Variants in ARHGAP6 observed in about 807,000 individuals in gnomAD.
ARHGAP6 encodes the protein Rho GTPase activating protein 6.
In ARHGAP6, 16 loss-of-function variants were observed where a neutral mutation model predicts 55.7. The ratio of observed to expected loss-of-function variants is 0.29; its 90% CI spans 0.19 to 0.44. The LOEUF (loss-of-function observed/expected upper bound fraction) is 0.44, where lower values mean the gene tolerates loss of function less well. Among genes scored for constraint, ARHGAP6 ranks in the 20% least tolerant of loss-of-function variants. The pLI, the probability that ARHGAP6 is intolerant of heterozygous loss-of-function variation, is 1.00. For synonymous variants in ARHGAP6, 382 were observed against 360.9 expected (o/e 1.06, Z -0.66); for missense variants, 698 against 808.9 (o/e 0.86, Z 1.66).
At chrX:11,656,516 C>A (rs1487997594) in intron 1 of ARHGAP6, among the ~76,000 whole-genome samples, 1 of 112,232 alleles carries the variant, frequency 8.9e-6, no homozygotes. Context: ...TCTAAGAATC[C>A]ATTTCTTTGC....
At chrX:11,245,797 C>T (rs776082892) in intron 2 of ARHGAP6, among the ~76,000 whole-genome samples, 2 of 112,112 alleles carry the variant, frequency 1.8e-5, no homozygotes, top group African/African-American at 3.2e-5. Context: ...GTACTTCTCA[C>T]TGCAGATAGG....
At chrX:11,493,077 C>T (rs1258541434) in intron 1 of ARHGAP6, among the ~76,000 whole-genome samples, 3 of 111,924 alleles carry the variant, frequency 2.7e-5, no homozygotes, top group Admixed American at 9.5e-5. Flanking sequence ...TGTTGGGCCA[C>T]GATGCAGAGA....
At chrX:11,344,678 C>CAAAAAAAAAAAAA (rs34123570) in intron 1 of ARHGAP6, among the ~76,000 whole-genome samples, 110 of 28,265 alleles carry the variant, frequency 3.9e-3, no homozygotes, top group Non-Finnish European at 4.9e-3. Context: ...AACTCCATCA[C>CAAAAAAAAAAAAA]AAAAAAAAAA....
intron 2 of ARHGAP6, among the ~76,000 whole-genome samples, chrX:11,244,163 A>T (rs1279671333): frequency 8.9e-6 from 1 of 112,319 alleles, no homozygotes; most frequent in African/African-American, 3.2e-5. Flanking sequence ...CAACTGCATA[A>T]AAAATAACAA....
chrX:11,334,730 T>C, intron 1 of ARHGAP6: 1 of 234,302 alleles, frequency 4.3e-6, no homozygotes, highest in South Asian at 6.7e-5. Context: ...CTCTGTTCAA[T>C]GAAGTTGCAC....
At chrX:11,524,043 T>C (rs1345222487) in intron 1 of ARHGAP6, among the ~76,000 whole-genome samples, 1 of 111,975 alleles carries the variant, frequency 8.9e-6, no homozygotes. Flanking sequence ...TGAGTTAACA[T>C]GCGCAAAATA....
chrX:11,572,439 T>C (rs755684416), intron 1 of ARHGAP6, among the ~76,000 whole-genome samples: 18 of 109,974 alleles, frequency 1.6e-4, no homozygotes, highest in African/African-American at 6.0e-4. Context: ...ACACAAGGTG[T>C]TTGGTTTTTT....
At chrX:11,150,376 A>C (rs1262289959) in intron 10 of ARHGAP6, among the ~76,000 whole-genome samples, 3 of 111,280 alleles carry the variant, frequency 2.7e-5, no homozygotes, top group Non-Finnish European at 5.6e-5. Flanking sequence ...GGGGCCCGAG[A>C]TGCCTCAGGC....
intron 12 of ARHGAP6, among the ~76,000 whole-genome samples, chrX:11,140,417 C>CAA (rs1211125181): frequency 0.2 from 8,424 of 41,297 alleles, 766 homozygotes; most frequent in Non-Finnish European, 0.28. Context: ...GACTCCGTCA[C>CAA]AAAAAAAAAA....
intron 10 of ARHGAP6, among the ~76,000 whole-genome samples, chrX:11,155,961 T>C (rs188924618): frequency 8.9e-6 from 1 of 112,665 alleles, no homozygotes; most frequent in Non-Finnish European, 1.9e-5. Flanking sequence ...ATGGCTTGCA[T>C]TTTACTAATT....
intron 1 of ARHGAP6, among the ~76,000 whole-genome samples, chrX:11,492,968 G>A (rs1367639024): frequency 4.5e-5 from 5 of 111,724 alleles, no homozygotes; most frequent in Non-Finnish European, 9.4e-5. Context: ...GACCACCAGA[G>A]TGACCTGAGG....
chrX:11,335,110 CCA>C (rs2048613895), intron 1 of ARHGAP6: 1 of 127,826 alleles, frequency 7.8e-6, no homozygotes, highest in African/African-American at 3.2e-5. Context: ...CAGAAATGAT[CCA>C]CACAGTGACA....
intron 1 of ARHGAP6, among the ~76,000 whole-genome samples, chrX:11,443,954 CA>C (rs61018477): frequency 0.12 from 12,600 of 101,906 alleles, 698 homozygotes; most frequent in Admixed American, 0.21. Context: ...AAAAGAAAAC[CA>C]AAAAAAAAAA....
chrX:11,303,410 G>C (rs1241811920), intron 1 of ARHGAP6, among the ~76,000 whole-genome samples: 1 of 111,829 alleles, frequency 8.9e-6, no homozygotes, highest in African/African-American at 3.3e-5. Context: ...GATTGGGCTG[G>C]GAGTGGTGAG....
chrX:11,504,205 T>C (rs1245025424), intron 1 of ARHGAP6, among the ~76,000 whole-genome samples: 1 of 112,298 alleles, frequency 8.9e-6, no homozygotes, highest in Admixed American at 9.5e-5. Flanking sequence ...TCAGTTCTAC[T>C]TTTATTTGTA....
At chrX:11,217,654 C>T (rs1240117710) in intron 2 of ARHGAP6, among the ~76,000 whole-genome samples, 1 of 111,790 alleles carries the variant, frequency 8.9e-6, no homozygotes, top group South Asian at 3.7e-4. Flanking sequence ...TTCTCCCATT[C>T]TGTAGGTTAC....
chrX:11,185,180 ATG>A (rs1174164413), intron 5 of ARHGAP6, among the ~76,000 whole-genome samples: 35 of 89,488 alleles, frequency 3.9e-4, no homozygotes, highest in African/African-American at 1.3e-3. Flanking sequence ...GTGTGTGTGT[ATG>A]TGTGTGTATA....
intron 1 of ARHGAP6, among the ~76,000 whole-genome samples, chrX:11,573,161 T>C (rs970214726): frequency 2.0e-3 from 221 of 111,167 alleles, no homozygotes; most frequent in Non-Finnish European, 2.6e-3. Context: ...TGGTAGTTTC[T>C]TTTGCTGTGC....
chrX:11,596,225 T>G (rs978946622), intron 1 of ARHGAP6, among the ~76,000 whole-genome samples: 1 of 112,033 alleles, frequency 8.9e-6, no homozygotes, highest in African/African-American at 3.2e-5. Context: ...ATATACACCA[T>G]GGAATACTAT....
Sources: allele counts gnomAD v4.1 joint callset (sites outside exome capture counted in the v4.1 genomes callset), GRCh38; gene constraint gnomAD v4.1.1; transcripts MANE v1.5; gene names NCBI Gene and HGNC (gene_info 2026-07-23, HGNC 2026-07-21).